The following GPHN variants were observed in gnomAD, a reference collection of about 807,000 sequenced individuals.
GPHN encodes gephyrin.
Under a neutral mutation model 95.5 loss-of-function variants are expected in GPHN, and 17 were observed. That is an observed-to-expected ratio of 0.18 (90% CI 0.12 to 0.27). GPHN has a LOEUF of 0.27. Among genes scored for constraint, GPHN ranks in the 10% least tolerant of loss-of-function variants. The pLI is 1.00. For missense variants in GPHN, 660 were observed against 978.1 expected (o/e 0.67, Z 4.34); for synonymous variants, 320 against 322.5 (o/e 0.99, Z 0.08).
chr14:66,697,168 C>T (rs889160186), intron 2 of GPHN, among the ~76,000 whole-genome samples: 1 of 152,152 alleles, frequency 6.6e-6, no homozygotes, highest in African/African-American at 2.4e-5. Flanking sequence ...GTTTTGTTGA[C>T]TACTGAGGCA....
intron 17 of GPHN, among the ~76,000 whole-genome samples, chr14:67,141,926 G>T (rs540308364): frequency 6.6e-6 from 1 of 152,336 alleles, no homozygotes; most frequent in South Asian, 2.1e-4. Flanking sequence ...TGAGATATTT[G>T]TGAGAACATA....
At chr14:67,689,755 C>T in the GPHN span, among the ~76,000 whole-genome samples, 3 of 152,116 alleles carry the variant, frequency 2.0e-5, 1 homozygote, top group South Asian at 6.2e-4. Context: ...ACCACCCTGA[C>T]CAACATGGTG....
At chr14:66,869,029 T>C (rs2063333218) in intron 4 of GPHN, among the ~76,000 whole-genome samples, 1 of 152,218 alleles carries the variant, frequency 6.6e-6, no homozygotes, top group Non-Finnish European at 1.5e-5. Flanking sequence ...CTTTATATTT[T>C]AGACCGACTA....
intron 5 of GPHN, among the ~76,000 whole-genome samples, chr14:66,893,747 T>G (rs541493588): frequency 2.0e-5 from 3 of 152,162 alleles, no homozygotes; most frequent in South Asian, 4.2e-4. Context: ...AAATCATGAG[T>G]GAACTCCCAT....
chr14:66,729,834 A>G (rs567084363), intron 2 of GPHN, among the ~76,000 whole-genome samples: 2 of 152,358 alleles, frequency 1.3e-5, no homozygotes, highest in South Asian at 2.1e-4. Context: ...GTTGTCAGAA[A>G]GAAGAGTAGT....
At chr14:67,195,837 G>A in the GPHN span, among the ~76,000 whole-genome samples, 6 of 151,726 alleles carry the variant, frequency 4.0e-5, no homozygotes, top group Non-Finnish European at 8.8e-5. Context: ...TCCGCCTCCC[G>A]GGTTCAAGCA....
At chr14:67,155,136 G>T (rs917873925) in intron 18 of GPHN, among the ~76,000 whole-genome samples, 1 of 152,172 alleles carries the variant, frequency 6.6e-6, no homozygotes, top group African/African-American at 2.4e-5. Context: ...CTGTTATAGA[G>T]GAGGGGCCCT....
the GPHN span, among the ~76,000 whole-genome samples, chr14:67,455,012 G>A: frequency 6.6e-6 from 1 of 152,326 alleles, no homozygotes; most frequent in Non-Finnish European, 1.5e-5. Flanking sequence ...ACTATGGCTG[G>A]CTAATTTTTG....
At chr14:66,819,293 A>G (rs1420837852) in intron 3 of GPHN, among the ~76,000 whole-genome samples, 2 of 151,940 alleles carry the variant, frequency 1.3e-5, no homozygotes, top group Admixed American at 6.6e-5. Flanking sequence ...TCCAGTTTCA[A>G]TTTTCTGCAT....
Position 66,706,603 on chromosome 14 carries a change from T to A in GPHN, c.143+25418T>A, listed in dbSNP as rs903968336. 1.7e-4 allele frequency among the ~76,000 whole-genome samples: 26 copies of A among 152,222 alleles called. No homozygotes were observed. In the East Asian group the frequency reaches 2.7e-3, roughly 16 times the overall value. ...AATAAATGGTGCTAGGAGAACTGGG[T>A]AGCCACATGCAGAAAACTGAAACTC... is the stretch of plus-strand genomic sequence containing the variant. On this transcript the variant is annotated intron_variant, in intron 2 of 22. Transcript: ENST00000478722.
the GPHN span, among the ~76,000 whole-genome samples, chr14:67,515,722 T>C: frequency 6.6e-6 from 1 of 152,116 alleles, no homozygotes; most frequent in Non-Finnish European, 1.5e-5. Context: ...CCGGAGCTTG[T>C]AGTTGTGGGG....
the GPHN span, chr14:67,651,092 A>G: frequency 2.1e-6 from 2 of 931,268 alleles, no homozygotes; most frequent in Non-Finnish European, 3.2e-6. Flanking sequence ...TACTACTGTA[A>G]ATGTATTTGG....
chr14:66,777,850 A>C (rs895980138), intron 3 of GPHN, among the ~76,000 whole-genome samples: 1 of 152,174 alleles, frequency 6.6e-6, no homozygotes. Flanking sequence ...ATCTATGACA[A>C]ACCAACAGCC....
chr14:67,393,978 T>C, the GPHN span, among the ~76,000 whole-genome samples: 4 of 152,122 alleles, frequency 2.6e-5, no homozygotes, highest in African/African-American at 7.2e-5. Flanking sequence ...ATCACTTCTG[T>C]TTGTAAGTCC....
chr14:66,743,091 C>T (rs1356433524), intron 2 of GPHN, among the ~76,000 whole-genome samples: 2 of 152,056 alleles, frequency 1.3e-5, no homozygotes, highest in East Asian at 1.9e-4. Context: ...ATCATAAAGA[C>T]TCTGTATTGT....
chr14:66,838,185 G>T (rs1377758947), intron 4 of GPHN, among the ~76,000 whole-genome samples: 1 of 152,114 alleles, frequency 6.6e-6, no homozygotes, highest in Non-Finnish European at 1.5e-5. Context: ...TTTCTTATGT[G>T]TAAAATGATA....
At chr14:66,692,088 C>T (rs976067961) in intron 2 of GPHN, among the ~76,000 whole-genome samples, 2 of 152,086 alleles carry the variant, frequency 1.3e-5, no homozygotes, top group Non-Finnish European at 2.9e-5. Flanking sequence ...CTTTGATTTT[C>T]TGTGGGTTTT....
At chr14:67,569,952 G>A in the GPHN span, 1 of 1,610,264 alleles carries the variant, frequency 6.2e-7, no homozygotes, top group Non-Finnish European at 8.5e-7. Flanking sequence ...TTTCCCCTGG[G>A]TCTTTCTCTG....
intron 10 of GPHN, among the ~76,000 whole-genome samples, chr14:67,035,431 A>G (rs1389068532): frequency 2.0e-5 from 3 of 151,742 alleles, no homozygotes; most frequent in African/African-American, 4.8e-5. Flanking sequence ...AAATACTAGG[A>G]AAAAAAGCAA....
Sources: allele counts gnomAD v4.1 joint callset (sites outside exome capture counted in the v4.1 genomes callset), GRCh38; gene constraint gnomAD v4.1.1; transcripts MANE v1.5; gene names NCBI Gene and HGNC (gene_info 2026-07-23, HGNC 2026-07-21).